Variants in CHRNG observed in about 807,000 individuals in gnomAD.
CHRNG encodes the protein cholinergic receptor nicotinic gamma subunit.
In CHRNG, 72 loss-of-function variants were observed where a neutral mutation model predicts 65.2. That is an observed-to-expected ratio of 1.10 (90% CI 0.91 to 1.34). CHRNG has a LOEUF of 1.34. CHRNG is among the 40% of genes most tolerant of loss of function. CHRNG has a pLI of 0.00. For synonymous variants in CHRNG, 284 were observed against 290.2 expected (o/e 0.98, Z 0.22); for missense variants, 637 against 680.1 (o/e 0.94, Z 0.70).
chr2:232,543,148 C>G, intron 7 of CHRNG, 66 bp downstream of exon 7: 1 of 1,563,282 alleles, frequency 6.4e-7, no homozygotes, highest in East Asian at 2.2e-5. Flanking sequence ...CCGGGGTGGG[C>G]CCTGCCTGGG....
rs1417862757 is a variant in CHRNG, at chr2:232,539,809, C to G, written c.55+7C>G. 9.9e-6 allele frequency: 16 copies of G among 1,613,622 alleles called. No individual in the cohort carries two copies. The highest frequency in any genetic ancestry group is 6.7e-5 in the Admixed American group (4 of 60,002). On this transcript the variant is annotated splice_region_variant and intron_variant, in intron 1 of 11. Coordinates refer to ENST00000651502, the MANE Select transcript of CHRNG (RefSeq NM_005199.5). ...CTGCTGGCTGTCTGCCTGGGTGGGA[C>G]ACAAAGGAATCTCAGCCTGGGGAGT...
At position 232,540,758 on chromosome 2, in the gene CHRNG, G is replaced by T; in HGVS notation, c.350+47G>T. On this transcript the variant is annotated intron_variant, in intron 4 of 11. Coordinates refer to ENST00000651502, the MANE Select transcript of CHRNG (RefSeq NM_005199.5). This position sits in a 1 kb window ranked among gnomAD's most constrained non-coding sequence, Gnocchi z 4.2. ...GGGTGTGGGGGACAAAGGACACAGG[G>T]TCTGGGCCCAGCAGAACAAGGCACT... 3.9e-6 allele frequency: 6 copies of T among 1,531,070 alleles called. No homozygotes were observed. The highest frequency in any genetic ancestry group is 4.5e-6 in the Non-Finnish European group (5 of 1,119,200). 94.8% of individuals were successfully genotyped at this position (1,531,070 alleles called of 1,614,324 possible). A position where few individuals can be genotyped will look rare whatever the true frequency, so the allele number is the denominator to read the frequency against.
Position 232,541,300 on chromosome 2 carries a change from AGGGGCTGGTCT to A in CHRNG, c.351-65_351-55del, listed in dbSNP as rs1207526288. ...CCAGGCCCCTATCCACATGGGGCAC[AGGGGCTGGTCT>A]GGGGCTGGGGTGTCGGGGGCTGAGC... On this transcript the variant is annotated intron_variant, in intron 4 of 11. Coordinates refer to ENST00000651502, the MANE Select transcript of CHRNG (RefSeq NM_005199.5). This position sits in a 1 kb window ranked among gnomAD's most constrained non-coding sequence, Gnocchi z 4.0. 1 of 1,568,390 alleles carries A rather than the reference AGGGGCTGGTCT, an allele frequency of 6.4e-7. No individual in the cohort carries two copies. The highest frequency in any genetic ancestry group is 8.7e-7 in the Non-Finnish European group (1 of 1,154,250).
Position 232,541,875 on chromosome 2 carries a change from G to T in CHRNG, c.506+346G>T, listed in dbSNP as rs763924485. 1 of 397,388 alleles carries T rather than the reference G, an allele frequency of 2.5e-6. No individual in the cohort carries two copies. Among genetic ancestry groups the T allele is most frequent in the Non-Finnish European group, 4.7e-6 (1 of 210,838 alleles). 24.6% of individuals were successfully genotyped at this position (397,388 alleles called of 1,614,324 possible). On this transcript the variant is annotated intron_variant, in intron 5 of 11. Coordinates refer to ENST00000651502, the MANE Select transcript of CHRNG (RefSeq NM_005199.5). The surrounding 1 kb of genome is among the most constrained non-coding windows in gnomAD (Gnocchi z 4.0). Reference sequence around the variant, plus strand: ...AACCACTGCACACTCCAGGCCCACAGGGAGGCAGGGCTGTCCTGTGAGAGA... The same window carrying T: ...AACCACTGCACACTCCAGGCCCACATGGAGGCAGGGCTGTCCTGTGAGAGA...
rs1691990576 is a variant in CHRNG, at chr2:232,540,328, C to T, written c.196-53C>T. On this transcript the variant is annotated intron_variant, in intron 2 of 11. Coordinates refer to ENST00000651502, the MANE Select transcript of CHRNG (RefSeq NM_005199.5). The surrounding 1 kb of genome is among the most constrained non-coding windows in gnomAD (Gnocchi z 4.2). Reference sequence around the variant, plus strand: ...TGGCCCCATTGGTGGCCTGTGGGGACTGGCACTGAAGTCGGGGGCTGAGCC... The same window carrying T: ...TGGCCCCATTGGTGGCCTGTGGGGATTGGCACTGAAGTCGGGGGCTGAGCC... 15 of 1,612,308 alleles carry T rather than the reference C, an allele frequency of 9.3e-6. No homozygotes were observed. Among genetic ancestry groups the T allele is most frequent in the Non-Finnish European group, 1.2e-5 (14 of 1,178,528 alleles).
At position 232,540,302 on chromosome 2, in the gene CHRNG, T is replaced by G; in HGVS notation, c.196-79T>G. Reference sequence around the variant, plus strand: ...GTACTATCAAGAGGCTGGGGGATGCTTGGCCCCATTGGTGGCCTGTGGGGA... The same window carrying G: ...GTACTATCAAGAGGCTGGGGGATGCGTGGCCCCATTGGTGGCCTGTGGGGA... On this transcript the variant is annotated intron_variant, in intron 2 of 11. Coordinates refer to ENST00000651502, the MANE Select transcript of CHRNG (RefSeq NM_005199.5). This position sits in a 1 kb window ranked among gnomAD's most constrained non-coding sequence, Gnocchi z 4.2. 6.2e-7 allele frequency: 1 copy of G among 1,600,918 alleles called. No homozygotes were observed. The highest frequency in any genetic ancestry group is 8.6e-7 in the Non-Finnish European group (1 of 1,168,188).
At chr2:232,543,858 G>A (rs961338489) in intron 9 of CHRNG, among the ~76,000 whole-genome samples, 159 bp downstream of exon 9, 2 of 152,250 alleles carry the variant, frequency 1.3e-5, no homozygotes, top group African/African-American at 4.8e-5. Context: ...ATACAGGAAT[G>A]AAATTGCTTC....
intron 1 of CHRNG, 74 bp downstream of exon 1, chr2:232,539,876 A>C: frequency 6.2e-7 from 1 of 1,610,042 alleles, no homozygotes; most frequent in South Asian, 1.1e-5. Context: ...GGAGGGTCTG[A>C]GGGGTATTGG....
chr2:232,543,042 C>A lies in CHRNG; in HGVS notation c.765C>A (p.Ile255=), dbSNP rs1692050309. The part of the protein sequence containing the change: ...VINIIAPCVL[I]SSVAILIHFL... ...ACATCATCGCCCCCTGTGTGCTCAT[C>A]TCCTCTGTCGCCATCCTCATCCACT... is the stretch of plus-strand genomic sequence containing the variant. Residue 255 remains isoleucine, a synonymous_variant, in exon 7 of 12, where the codon ATC becomes ATA. Transcript: ENST00000651502. 1.9e-6 allele frequency: 3 copies of A among 1,614,250 alleles called. No homozygotes were observed. In the African/African-American group the frequency reaches 4.0e-5, roughly 22 times the overall value.
rs1692125402 is a variant in CHRNG, at chr2:232,545,933, A to G, written c.*217A>G. The G allele has an allele frequency of 9.3e-6, 6 of 645,018 alleles. No homozygotes were observed. Among genetic ancestry groups the G allele is most frequent in the Admixed American group, 4.3e-5 (2 of 46,392 alleles). 40.0% of individuals were successfully genotyped at this position (645,018 alleles called of 1,614,324 possible). A position where few individuals can be genotyped will look rare whatever the true frequency, so the allele number is the denominator to read the frequency against. On this transcript the variant is annotated 3_prime_UTR_variant, in exon 12 of 12. Coordinates refer to ENST00000651502, the MANE Select transcript of CHRNG (RefSeq NM_005199.5). ...CCGTGGCTAGTGTCCTGCTGCAGTCAGCACACACGTGGGATTGGCTAGCTC... is the reference window on the plus strand; with the variant it reads ...CCGTGGCTAGTGTCCTGCTGCAGTCGGCACACACGTGGGATTGGCTAGCTC...
chr2:232,545,267 G>C (rs1341173127), intron 11 of CHRNG, among the ~76,000 whole-genome samples: 1 of 150,220 alleles, frequency 6.7e-6, no homozygotes, highest in Non-Finnish European at 1.5e-5. Context: ...AGCCAAGATC[G>C]CACCACTGCA....
chr2:232,545,854 G>A lies in CHRNG; in HGVS notation c.*138G>A. ...AGGACTGTGTGAGCCAAACAGCCCT[G>A]AGAAAAGCTGGGGAAACAGTCTGAG... On this transcript the variant is annotated 3_prime_UTR_variant, in exon 12 of 12. Coordinates refer to ENST00000651502, the MANE Select transcript of CHRNG (RefSeq NM_005199.5). 1.0e-6 allele frequency: 1 copy of A among 998,580 alleles called. No homozygotes were observed. The allele number at this position is 998,580 out of a possible 1,614,324, so 61.9% of individuals were successfully genotyped here. A position where few individuals can be genotyped will look rare whatever the true frequency, so the allele number is the denominator to read the frequency against.
rs747624528 is a variant in CHRNG, at chr2:232,542,980, C to G, written c.703C>G (p.Leu235Val). 4.3e-6 allele frequency: 7 copies of G among 1,614,202 alleles called. No homozygotes were observed. In the South Asian group the frequency reaches 6.6e-5, roughly 15 times the overall value. ...AGGCCACCAGAAGGTGGTGTTCTAC[C>G]TGCTCATCCAGCGCAAGCCCCTCTT... ...EAGHQKVVFY[L>V]LIQRKPLFYV... The change falls in exon 7 of 12, where the codon CTG (leucine) becomes GTG (valine). Residue 235 changes from leucine to valine, a missense_variant. Transcript: ENST00000651502.
Position 232,543,677 on chromosome 2 carries a change from C to T in CHRNG, c.1013C>T (p.Ser338Phe), listed in dbSNP as rs1692065949. 2.5e-6 allele frequency: 4 copies of T among 1,612,196 alleles called. No individual in the cohort carries two copies. In the South Asian group the frequency reaches 3.3e-5, roughly 13 times the overall value. Residue 338 changes from serine to phenylalanine, a missense_variant, in exon 9 of 12, where the codon TCC becomes TTC. Ser to Phe is a radical substitution (Grantham distance 155). Transcript: ENST00000651502. ...NVSLRSPHTH[S>F]MARGVRKVFL... ...TCCTTGCGGTCTCCACACACACACT[C>T]CATGGCCCGAGGGGTCCGCAAGGCA...
chr2:232,540,185 G>A lies in CHRNG; in HGVS notation c.195+54G>A. The A allele has an allele frequency of 6.2e-7, 1 of 1,613,822 alleles. No homozygotes were observed. The highest frequency in any genetic ancestry group is 8.5e-7 in the Non-Finnish European group (1 of 1,179,874). ...CGCACCACGCCCTGGGACCTGCTGG[G>A]GATAGCATGGGGTGGCTCCAGCCAC... On this transcript the variant is annotated intron_variant, in intron 2 of 11. Transcript: ENST00000651502. This position sits in a 1 kb window ranked among gnomAD's most constrained non-coding sequence, Gnocchi z 4.2.
Position 232,540,263 on chromosome 2 carries a change from T to C in CHRNG, c.196-118T>C, listed in dbSNP as rs1259059335. ...CAGGCTGGGGTCTGGAAAACCCCCA[T>C]GGTTGTGGGGGGAGTACTATCAAGA... is the stretch of plus-strand genomic sequence containing the variant. On this transcript the variant is annotated intron_variant, in intron 2 of 11. Coordinates refer to ENST00000651502, the MANE Select transcript of CHRNG (RefSeq NM_005199.5). The surrounding 1 kb of genome is among the most constrained non-coding windows in gnomAD (Gnocchi z 4.2). 3.2e-6 allele frequency: 5 copies of C among 1,586,370 alleles called. No homozygotes were observed. Among genetic ancestry groups the C allele is most frequent in the Non-Finnish European group, 4.3e-6 (5 of 1,155,508 alleles).
intron 1 of CHRNG, 39 bp downstream of exon 1, chr2:232,539,841 G>A (rs777653711): frequency 6.2e-7 from 1 of 1,613,054 alleles, no homozygotes; most frequent in South Asian, 1.1e-5. Context: ...GAGTCCCAGA[G>A]CTGGGGTCCA....
Position 232,545,926 on chromosome 2 carries a change from TGCAGTCAGC to T in CHRNG, c.*211_*219del. 1 of 656,788 alleles carries T rather than the reference TGCAGTCAGC, an allele frequency of 1.5e-6. No homozygotes were observed. The highest frequency in any genetic ancestry group is 1.7e-5 in the South Asian group (1 of 57,746). 40.7% of individuals were successfully genotyped at this position (656,788 alleles called of 1,614,324 possible). ...GGGTGGGCCGTGGCTAGTGTCCTGC[TGCAGTCAGC>T]ACACACGTGGGATTGGCTAGCTCAT... On this transcript the variant is annotated 3_prime_UTR_variant, in exon 12 of 12. Coordinates refer to ENST00000651502, the MANE Select transcript of CHRNG (RefSeq NM_005199.5).
chr2:232,542,618 T>A, intron 6 of CHRNG, 98 bp downstream of exon 6: 2 of 837,038 alleles, frequency 2.4e-6, no homozygotes, highest in Non-Finnish European at 4.1e-6. Context: ...CCCTCCCATG[T>A]AACTCAAAAT....
Sources: gnomAD v4.1 joint callset for allele counts (sites outside exome capture counted in the v4.1 genomes callset) on GRCh38, gnomAD v4.1.1 for gene constraint, Gnocchi (gnomAD v3.1) non-coding constraint, MANE v1.5 for transcripts, NCBI Gene and HGNC (gene_info 2026-07-23, HGNC 2026-07-21) for gene names.